OGDH: variants seen among roughly 807,000 people sequenced by gnomAD.
The protein encoded by OGDH is 2-oxoglutarate dehydrogenase complex component E1.
OGDH carries 38 observed loss-of-function variants against 116.6 expected under a neutral mutation model. The observed-to-expected ratio is 0.33, with a 90% CI of 0.25 to 0.43. OGDH has a LOEUF of 0.43. OGDH is among the 20% of genes least tolerant of loss of function. The probability of loss-of-function intolerance (pLI) is 1.00; values close to 1 mark genes in which losing one functional copy is unlikely to be tolerated. For missense variants in OGDH, 825 were observed against 1,357.2 expected, an observed-to-expected ratio of 0.61 and a Z score of 6.16; for synonymous variants, 488 against 533.3, an observed-to-expected ratio of 0.92 and a Z score of 1.17.
intron 19 of OGDH, among the ~76,000 whole-genome samples, chr7:44,700,542 C>T (rs552822850): frequency 2.9e-4 from 44 of 152,312 alleles, no homozygotes; most frequent in African/African-American, 9.1e-4. Flanking sequence ...GGCCCCAGCC[C>T]GGTGGGGAGG....
chr7:44,617,510 C>A (rs1784851002), intron 1 of OGDH, among the ~76,000 whole-genome samples: 1 of 152,182 alleles, frequency 6.6e-6, no homozygotes. Flanking sequence ...ATCCTCACTA[C>A]TTCCCTCAGC....
intron 1 of OGDH, among the ~76,000 whole-genome samples, chr7:44,608,406 T>A (rs1784437895): frequency 1.0e-5 from 1 of 96,820 alleles, no homozygotes; most frequent in Non-Finnish European, 3.2e-5. Flanking sequence ...AGATCCTGTC[T>A]CAAAAAAAAA....
intron 1 of OGDH, among the ~76,000 whole-genome samples, chr7:44,607,801 A>G (rs111984636): frequency 0.13 from 19,046 of 152,058 alleles, 2,327 homozygotes; most frequent in East Asian, 0.44. Flanking sequence ...TCCTGGGTTC[A>G]AGTGATTCTC....
intron 10 of OGDH, among the ~76,000 whole-genome samples, chr7:44,683,326 C>T (rs1268184310): frequency 6.6e-6 from 1 of 152,078 alleles, no homozygotes; most frequent in East Asian, 1.9e-4. Flanking sequence ...AACTCATGGA[C>T]TCAAGCATCT....
intron 10 of OGDH, among the ~76,000 whole-genome samples, chr7:44,688,639 C>A (rs1788236551): frequency 6.6e-6 from 1 of 151,722 alleles, no homozygotes; most frequent in South Asian, 2.1e-4. Flanking sequence ...ACCCTGTTAA[C>A]CAGGATGGTC....
chr7:44,661,956 C>G (rs980541272), intron 4 of OGDH, among the ~76,000 whole-genome samples: 5 of 152,140 alleles, frequency 3.3e-5, no homozygotes, highest in Non-Finnish European at 7.4e-5. Context: ...GGTATTACTA[C>G]TTTATATAGA....
rs376577587 is a variant in OGDH, at chr7:44,707,221, G to A, written c.2633-4G>A. 16 of 1,613,812 alleles carry A rather than the reference G, an allele frequency of 9.9e-6. No homozygotes were observed. Among genetic ancestry groups the A allele is most frequent in the Non-Finnish European group, 1.3e-5 (15 of 1,179,892 alleles). On this transcript the variant is annotated splice_polypyrimidine_tract_variant and splice_region_variant and intron_variant, in intron 20 of 22. Transcript: ENST00000222673. This position sits in a 1 kb window ranked among gnomAD's most constrained non-coding sequence, Gnocchi z 5.2. ...CCAGCCTAGCCATGGGAACTCTCTT[G>A]TAGGAACCCACTTCCAGCGGGTGAT...
chr7:44,647,404 C>T (rs895178005), intron 3 of OGDH: 10 of 1,411,444 alleles, frequency 7.1e-6, no homozygotes, highest in Non-Finnish European at 1.9e-6. Context: ...CCACAGCTCA[C>T]TGGATCTGCT....
At chr7:44,662,842 A>C (rs1787009458) in intron 4 of OGDH, among the ~76,000 whole-genome samples, 1 of 152,112 alleles carries the variant, frequency 6.6e-6, no homozygotes, top group Non-Finnish European at 1.5e-5. Flanking sequence ...GTAAAGTGTC[A>C]CTTTACAACA....
chr7:44,609,593 A>G (rs1748035444), intron 1 of OGDH, among the ~76,000 whole-genome samples: 1 of 151,886 alleles, frequency 6.6e-6, no homozygotes. Context: ...TGGTTTATTC[A>G]TCCATTAAAA....
chr7:44,655,649 A>G (rs1030222134), intron 4 of OGDH, among the ~76,000 whole-genome samples: 2 of 152,190 alleles, frequency 1.3e-5, no homozygotes, highest in East Asian at 1.9e-4. Flanking sequence ...TGTGTATCCA[A>G]ATAAATGCCT....
chr7:44,634,423 A>G (rs1173592605), intron 2 of OGDH, among the ~76,000 whole-genome samples: 1 of 152,210 alleles, frequency 6.6e-6, no homozygotes, highest in East Asian at 1.9e-4. Context: ...AGCCACCTTT[A>G]GTCTAGTGCA....
chr7:44,657,147 G>A (rs1234727293), intron 4 of OGDH, among the ~76,000 whole-genome samples: 1 of 152,130 alleles, frequency 6.6e-6, no homozygotes, highest in Non-Finnish European at 1.5e-5. Flanking sequence ...AAAAGCTATA[G>A]TACAACATCA....
intron 2 of OGDH, among the ~76,000 whole-genome samples, chr7:44,644,994 C>T (rs758986599): frequency 1.5e-4 from 23 of 152,166 alleles, no homozygotes; most frequent in Non-Finnish European, 2.6e-4. Context: ...TGAATCTGTC[C>T]CCAGGCCCAG....
At chr7:44,701,751 C>T (rs1030583503) in intron 20 of OGDH, 136 bp downstream of exon 20, 13 of 830,102 alleles carry the variant, frequency 1.6e-5, no homozygotes, top group African/African-American at 8.4e-5. Context: ...TGTAAAGACC[C>T]GTGATACATG....
chr7:44,690,080 G>A lies in OGDH; in HGVS notation c.1336-3745G>A, dbSNP rs181817445. On this transcript the variant is annotated intron_variant, in intron 10 of 22. Coordinates refer to ENST00000222673, the MANE Select transcript of OGDH (RefSeq NM_002541.4). ...AGTCCCGCTTCATTCTTTTGCACTT[G>A]GATACTATTTTCAAATATAAATGAT... Among the ~76,000 whole-genome samples, 5 of 152,234 alleles carry A rather than the reference G, an allele frequency of 3.3e-5. No individual in the cohort carries two copies. The East Asian group carries it at 9.7e-4, about 29-fold the overall frequency.
chr7:44,645,308 G>A lies in OGDH; in HGVS notation c.223-19G>A, dbSNP rs1252451463. Reference sequence around the variant, plus strand: ...CTTAGGGGAGCAGTGAGGTAACCCTGTACCTTCTTTGTCTTTAGTCATGGG... The same window carrying A: ...CTTAGGGGAGCAGTGAGGTAACCCTATACCTTCTTTGTCTTTAGTCATGGG... On this transcript the variant is annotated intron_variant, in intron 2 of 22. Transcript: ENST00000222673. 6.2e-7 allele frequency: 1 copy of A among 1,611,066 alleles called. No individual in the cohort carries two copies. The highest frequency in any genetic ancestry group is 1.3e-5 in the African/African-American group (1 of 74,880).
intron 2 of OGDH, among the ~76,000 whole-genome samples, chr7:44,629,716 A>G (rs750158796): frequency 6.7e-6 from 1 of 150,306 alleles, no homozygotes; most frequent in East Asian, 2.0e-4. Flanking sequence ...GCTAGCTGGG[A>G]TTACAGACGT....
At chr7:44,634,086 C>G (rs6979907) in intron 2 of OGDH, among the ~76,000 whole-genome samples, 3,127 of 152,328 alleles carry the variant, frequency 0.021, 100 homozygotes, top group African/African-American at 0.071. Context: ...ACTGCCAGCT[C>G]CCTTGGAGCT....
Sources: allele counts gnomAD v4.1 joint callset (sites outside exome capture counted in the v4.1 genomes callset), GRCh38; gene constraint gnomAD v4.1.1; non-coding constraint Gnocchi (gnomAD v3.1); transcripts MANE v1.5; gene names NCBI Gene and HGNC (gene_info 2026-07-23, HGNC 2026-07-21).